The following KATNB1 variants were observed in gnomAD, a reference collection of about 807,000 sequenced individuals.
The protein encoded by KATNB1 is katanin regulatory subunit B1, also known as katanin p80 WD40 repeat-containing subunit B1.
A neutral mutation model predicts 82.3 loss-of-function variants in KATNB1; 38 were observed. The ratio of observed to expected loss-of-function variants is 0.46; its 90% CI spans 0.36 to 0.61. The LOEUF is 0.61. Among genes scored for constraint, KATNB1 ranks in the 20% least tolerant of loss-of-function variants. KATNB1 has a pLI of 0.00. For missense variants in KATNB1, 749 were observed against 915.7 expected (o/e 0.82, Z 2.35); for synonymous variants, 361 against 368.7 (o/e 0.98, Z 0.24).
At chr16:57,750,708 T>C in intron 4 of KATNB1, 119 bp from the exon 5 acceptor site, 1 of 750,046 alleles carries the variant, frequency 1.3e-6, no homozygotes, top group Non-Finnish European at 2.4e-6. Flanking sequence ...TGTGTGTTAT[T>C]GTTCTATTTT....
intron 4 of KATNB1, among the ~76,000 whole-genome samples, chr16:57,747,457 T>C (rs2049191785): frequency 6.6e-6 from 1 of 152,218 alleles, no homozygotes; most frequent in South Asian, 2.1e-4. Flanking sequence ...GTGTAGGTGG[T>C]ACTCAATAAA....
rs149030006 is a variant in KATNB1 at position 57,739,430 on chromosome 16, A to G, written c.40+2147A>G. On this transcript the variant is annotated intron_variant, in intron 2 of 19. Transcript: ENST00000379661. ...TCAGCCCCTCTGGCCACGCCGCACC[A>G]TGTTCCCCAGCTTTGGCTGGATGTG... 2.5e-3 allele frequency among the ~76,000 whole-genome samples: 385 copies of G among 152,278 alleles called. 9 individuals carry two copies. In the South Asian group the frequency reaches 0.04, roughly 16 times the overall value.
chr16:57,749,945 G>A (rs554732405), intron 4 of KATNB1, among the ~76,000 whole-genome samples: 54 of 152,306 alleles, frequency 3.5e-4, no homozygotes, highest in African/African-American at 1.1e-3. Flanking sequence ...AGACTGGTGT[G>A]TGCACCAGGG....
intron 4 of KATNB1, 87 bp downstream of exon 4, chr16:57,744,598 C>A: frequency 8.8e-7 from 1 of 1,130,030 alleles, no homozygotes; most frequent in Non-Finnish European, 1.3e-6. Flanking sequence ...AGGAAGCCTG[C>A]CTGGACTACG....
chr16:57,750,803 T>C (rs2049220510), intron 4 of KATNB1, 24 bp from the exon 5 acceptor site: 1 of 1,598,666 alleles, frequency 6.3e-7, no homozygotes, highest in African/African-American at 1.3e-5. Context: ...TCTTAGCCAC[T>C]GTCTCTGCTT....
chr16:57,753,571 GCTGGGGGTCCTTCCAGGGTAGC>G (rs2148795509), intron 12 of KATNB1, 52 bp downstream of exon 12: 1 of 1,600,494 alleles, frequency 6.2e-7, no homozygotes, highest in Non-Finnish European at 8.5e-7. Flanking sequence ...TGAAAGGGAG[GCTGGGGGTCCTTCCAGGGTAGC>G]CTGCTGTGGC....
chr16:57,753,010 C>T, intron 10 of KATNB1, 67 bp from the exon 11 acceptor site: 1 of 1,590,702 alleles, frequency 6.3e-7, no homozygotes, highest in Admixed American at 1.7e-5. Flanking sequence ...CCTCCTACCC[C>T]CACACTGGGG....
intron 19 of KATNB1, 162 bp downstream of exon 19, chr16:57,756,634 C>G: frequency 8.2e-7 from 1 of 1,221,380 alleles, no homozygotes; most frequent in Admixed American, 2.8e-5. Context: ...TTAGCCAGAG[C>G]TGGGTTCCTC....
chr16:57,751,708 A>G lies in KATNB1; in HGVS notation c.500A>G (p.Asp167Gly). The G allele has an allele frequency of 6.2e-7, 1 of 1,610,402 alleles. No homozygotes were observed. Among genetic ancestry groups the G allele is most frequent in the Non-Finnish European group, 8.5e-7 (1 of 1,180,002 alleles). Residue 167 changes from aspartate (D) to glycine (G), a missense_variant, in exon 7 of 20, where the codon GAT becomes GGT. Physicochemically the swap from Asp to Gly is moderately conservative, Grantham distance 94 (BLOSUM62 -1). Transcript: ENST00000379661. The surrounding 1 kb of genome is among the most constrained non-coding windows in gnomAD (Gnocchi z 6.3). ...PDGKWLASAA[D>G]DHTVKLWDLT... ...GGGAAGTGGTTGGCGTCGGCCGCAG[A>G]TGACCACACCGTGAAGGTAGCTCCC... is the stretch of plus-strand genomic sequence containing the variant.
At chr16:57,738,456 A>C (rs187295817) in intron 2 of KATNB1, among the ~76,000 whole-genome samples, 348 of 152,006 alleles carry the variant, frequency 2.3e-3, no homozygotes, top group Non-Finnish European at 3.0e-3. Context: ...GGGTTTCACC[A>C]TGTTGGCCAG....
Position 57,751,600 on chromosome 16 carries a change from C to T in KATNB1, c.433-41C>T. 1 of 1,580,838 alleles carries T rather than the reference C, an allele frequency of 6.3e-7. No individual in the cohort carries two copies. Reference sequence around the variant, plus strand: ...AGGAGGCAGGGAGAGGTCTGTTGGGCCCAGGATCCCAGGGTGAGCTCATGC... The same window carrying T: ...AGGAGGCAGGGAGAGGTCTGTTGGGTCCAGGATCCCAGGGTGAGCTCATGC... On this transcript the variant is annotated intron_variant, in intron 6 of 19. Coordinates refer to ENST00000379661, the MANE Select transcript of KATNB1 (RefSeq NM_005886.3). The surrounding 1 kb of genome is among the most constrained non-coding windows in gnomAD (Gnocchi z 6.3).
intron 12 of KATNB1, 22 bp downstream of exon 12, chr16:57,753,541 C>G (rs908745918): frequency 4.3e-6 from 7 of 1,611,166 alleles, no homozygotes; most frequent in African/African-American, 4.0e-5. Flanking sequence ...CTCCCGCCCC[C>G]AGCCCAGCGT....
chr16:57,751,216 C>G lies in KATNB1; in HGVS notation c.391-45C>G. ...TGCACACCTTCCTCCAGTCGTGGCT[C>G]TGACCTCTCCTGACTCTGCCCCTCT... is the stretch of plus-strand genomic sequence containing the variant. On this transcript the variant is annotated intron_variant, in intron 5 of 19. Transcript: ENST00000379661. The surrounding 1 kb of genome is among the most constrained non-coding windows in gnomAD (Gnocchi z 6.3). The G allele has an allele frequency of 7.5e-6, 12 of 1,595,542 alleles. No homozygotes were observed. Among genetic ancestry groups the G allele is most frequent in the Non-Finnish European group, 1.0e-5 (12 of 1,163,152 alleles).
At chr16:57,755,667 G>A (rs1478963923) in intron 16 of KATNB1, 173 bp downstream of exon 16, 23 of 1,016,782 alleles carry the variant, frequency 2.3e-5, no homozygotes, top group South Asian at 8.1e-5. Context: ...ACAGACTGCC[G>A]TTTAGTGAGC....
chr16:57,752,632 G>A (rs1555583794), intron 9 of KATNB1, 31 bp downstream of exon 9: 38 of 1,550,430 alleles, frequency 2.5e-5, no homozygotes, highest in Middle Eastern at 1.7e-4. Context: ...GCGGCCCAGC[G>A]CTCCTCCCGG....
At chr16:57,752,243 C>T (rs1555583516) in intron 8 of KATNB1, 188 bp downstream of exon 8, 1 of 642,486 alleles carries the variant, frequency 1.6e-6, no homozygotes, top group African/African-American at 1.8e-5. Flanking sequence ...CTCTGGTTCC[C>T]TGGCCCCAGT....
At position 57,755,925 on chromosome 16, in the gene KATNB1, G is replaced by A. The variant is rs1555586036; in HGVS notation, c.1643+8G>A. On this transcript the variant is annotated splice_region_variant and intron_variant, in intron 17 of 19. Coordinates refer to ENST00000379661, the MANE Select transcript of KATNB1 (RefSeq NM_005886.3). ...CATCGTCAACCAGAAAGCGTAAGTG[G>A]CTGCAGAGGGGGAGTGGGCGGAGGG... 6.2e-7 allele frequency: 1 copy of A among 1,604,120 alleles called. No individual in the cohort carries two copies. Among genetic ancestry groups the A allele is most frequent in the East Asian group, 2.2e-5 (1 of 44,626 alleles).
intron 10 of KATNB1, 45 bp downstream of exon 10, chr16:57,752,973 A>T: frequency 6.3e-7 from 1 of 1,590,284 alleles, no homozygotes; most frequent in Non-Finnish European, 8.5e-7. Flanking sequence ...CCACAGGGCC[A>T]CCCGCCTCCC....
chr16:57,737,084 A>T lies in KATNB1; in HGVS notation c.-160A>T, dbSNP rs1320410078. The T allele has an allele frequency of 1.2e-6, 1 of 850,648 alleles. No homozygotes were observed. 52.7% of individuals were successfully genotyped at this position (850,648 alleles called of 1,614,324 possible). On this transcript the variant is annotated 5_prime_UTR_variant, in exon 2 of 20. Coordinates refer to ENST00000379661, the MANE Select transcript of KATNB1 (RefSeq NM_005886.3). ...CTGCTGTGGGTAATTTGGAACCACG[A>T]GGCACCCCAGGGCCAGAAGACGAGG...
Sources: gnomAD v4.1 joint callset for allele counts (sites outside exome capture counted in the v4.1 genomes callset) on GRCh38, gnomAD v4.1.1 for gene constraint, Gnocchi (gnomAD v3.1) non-coding constraint, MANE v1.5 for transcripts, NCBI Gene and HGNC (gene_info 2026-07-23, HGNC 2026-07-21) for gene names.